Variants in MFSD8 observed in about 807,000 individuals in gnomAD.
MFSD8 encodes the protein major facilitator superfamily domain-containing protein 8.
In MFSD8, 55 loss-of-function variants were observed where a neutral mutation model predicts 66.4. The ratio of observed to expected loss-of-function variants is 0.83; its 90% CI spans 0.67 to 1.04. The LOEUF (loss-of-function observed/expected upper bound fraction) is 1.04, where lower values mean the gene tolerates loss of function less well. Among genes scored for constraint, MFSD8 ranks in the 50% least tolerant of loss-of-function variants. The pLI is 0.00. For synonymous variants in MFSD8, 202 were observed against 212.8 expected (o/e 0.95, Z 0.44); for missense variants, 550 against 627.6 (o/e 0.88, Z 1.32).
At chr4:127,941,072 G>A (rs1484405656) in intron 5 of MFSD8, among the ~76,000 whole-genome samples, 2 of 152,100 alleles carry the variant, frequency 1.3e-5, no homozygotes, top group African/African-American at 2.4e-5. Flanking sequence ...CAGGTATTAT[G>A]CTAGATACTG....
intron 1 of MFSD8, among the ~76,000 whole-genome samples, chr4:127,961,820 C>CAAAAAA (rs4000711): frequency 2.0e-4 from 16 of 80,530 alleles, no homozygotes; most frequent in African/African-American, 6.9e-4. Flanking sequence ...GACTCCGTCT[C>CAAAAAA]AAAAAAAAAA....
chr4:127,938,892 G>A, intron 6 of MFSD8, 54 bp from the exon 7 acceptor site: 1 of 1,367,852 alleles, frequency 7.3e-7, no homozygotes, highest in Non-Finnish European at 1.0e-6. Flanking sequence ...TAGAGAAGTT[G>A]TTTAAATTTA....
chr4:127,951,411 T>C (rs534167424), intron 2 of MFSD8, among the ~76,000 whole-genome samples: 20 of 152,092 alleles, frequency 1.3e-4, no homozygotes, highest in Non-Finnish European at 2.5e-4. Context: ...TGTACTTTAG[T>C]AGAGATGAGG....
At chr4:127,956,129 T>A (rs1057230513) in intron 2 of MFSD8, among the ~76,000 whole-genome samples, 1 of 147,756 alleles carries the variant, frequency 6.8e-6, no homozygotes, top group Non-Finnish European at 1.5e-5. Flanking sequence ...TAAATAATAA[T>A]AAATAATAAA....
At chr4:127,930,282 TTTTA>T (rs1226037157) in intron 9 of MFSD8, among the ~76,000 whole-genome samples, 4 of 151,940 alleles carry the variant, frequency 2.6e-5, no homozygotes, top group African/African-American at 9.7e-5. Flanking sequence ...ATGACACAAA[TTTTA>T]TTTGCCATGA....
chr4:127,951,892 C>A (rs187255220), intron 2 of MFSD8, among the ~76,000 whole-genome samples: 1 of 151,616 alleles, frequency 6.6e-6, no homozygotes, highest in Non-Finnish European at 1.5e-5. Context: ...CCACACCCAG[C>A]TAATTTTTTG....
intron 3 of MFSD8, among the ~76,000 whole-genome samples, chr4:127,947,492 C>T (rs1189758670): frequency 6.6e-6 from 1 of 151,114 alleles, no homozygotes; most frequent in Non-Finnish European, 1.5e-5. Flanking sequence ...GCAGGAGAAT[C>T]GCTTGAACCC....
At chr4:127,952,321 G>A (rs1457214157) in intron 2 of MFSD8, among the ~76,000 whole-genome samples, 2 of 151,736 alleles carry the variant, frequency 1.3e-5, no homozygotes, top group East Asian at 2.0e-4. Flanking sequence ...GGAGAATGGC[G>A]AGAACCCGGG....
chr4:127,938,846 A>T lies in MFSD8; in HGVS notation c.699-8T>A. On this transcript the variant is annotated splice_polypyrimidine_tract_variant and splice_region_variant and intron_variant, in intron 6 of 11. Coordinates refer to ENST00000641686, the MANE Select transcript of MFSD8 (RefSeq NM_001371596.2). Reference sequence around the variant, plus strand: ...TCATCCACACGATGTTCTCTTAAAAAGAAAAACACAAATATTGTACCTATA... The same window carrying T: ...TCATCCACACGATGTTCTCTTAAAATGAAAAACACAAATATTGTACCTATA... The T allele has an allele frequency of 6.2e-7, 1 of 1,602,228 alleles. No individual in the cohort carries two copies. Among genetic ancestry groups the T allele is most frequent in the Non-Finnish European group, 8.5e-7 (1 of 1,171,140 alleles).
chr4:127,947,894 A>ACTCT (rs1303600540), intron 3 of MFSD8, among the ~76,000 whole-genome samples: 1 of 149,664 alleles, frequency 6.7e-6, no homozygotes, highest in African/African-American at 2.5e-5. Context: ...ACACACACAC[A>ACTCT]CACACTCTCT....
chr4:127,957,491 T>A lies in MFSD8; in HGVS notation c.154+10A>T. The A allele has an allele frequency of 6.4e-7, 1 of 1,558,910 alleles. No homozygotes were observed. The highest frequency in any genetic ancestry group is 8.8e-7 in the Non-Finnish European group (1 of 1,131,394). ...CTGAATTGTTAAAATTATGTATTTC[T>A]AATACTTACCTACACTGCTGAGAAA... On this transcript the variant is annotated intron_variant, in intron 2 of 11. Transcript: ENST00000641686.
intron 7 of MFSD8, among the ~76,000 whole-genome samples, chr4:127,935,474 T>C (rs1295138777): frequency 2.6e-5 from 4 of 152,200 alleles, no homozygotes; most frequent in Non-Finnish European, 5.9e-5. Context: ...TTCTATGCAA[T>C]TAGAAATTAT....
intron 5 of MFSD8, among the ~76,000 whole-genome samples, chr4:127,940,597 GA>G (rs79410803): frequency 0.032 from 4,410 of 139,246 alleles, 254 homozygotes; most frequent in East Asian, 0.24. Context: ...CAAGTAAAAT[GA>G]AAAAAAAAAA....
intron 6 of MFSD8, 54 bp downstream of exon 6, chr4:127,939,799 G>T: frequency 6.6e-7 from 1 of 1,523,278 alleles, no homozygotes. Context: ...CAATTACAAA[G>T]CTCATTAAAT....
rs1010358332 is a variant in MFSD8, at chr4:127,921,675, C to G, written c.1199G>C (p.Gly400Ala). The G allele has an allele frequency of 6.2e-7, 1 of 1,614,112 alleles. No homozygotes were observed. The highest frequency in any genetic ancestry group is 2.2e-5 in the East Asian group (1 of 44,872). The change falls in exon 11 of 12, where the codon GGT becomes GCT. Residue 400 changes from glycine (G) to alanine (A), a missense_variant. Gly to Ala is a moderately conservative substitution (Grantham distance 60). Transcript: ENST00000641686. ...PMEDDNERPT[G>A]CSIEQAWCLY... is the part of the protein sequence containing the mutation. ...GCACCAGGCTTGTTCAATCGAGCAA[C>G]CAGTTGGTCTTTCATTGTCATCTTC... is the stretch of plus-strand genomic sequence containing the variant.
At chr4:127,923,551 AT>A (rs1251910972) in intron 9 of MFSD8, among the ~76,000 whole-genome samples, 3 of 100,306 alleles carry the variant, frequency 3.0e-5, no homozygotes, top group African/African-American at 4.5e-5. Context: ...TTTTATTTTT[AT>A]TTATTATTAT....
intron 9 of MFSD8, among the ~76,000 whole-genome samples, chr4:127,929,099 A>G (rs1737678772): frequency 6.6e-6 from 1 of 151,930 alleles, no homozygotes; most frequent in South Asian, 2.1e-4. Context: ...AGGCGGGCAG[A>G]TCATGAGGTC....
chr4:127,961,942 C>T (rs978354234), intron 1 of MFSD8, among the ~76,000 whole-genome samples: 2 of 151,858 alleles, frequency 1.3e-5, no homozygotes, highest in Non-Finnish European at 2.9e-5. Context: ...GTCAGAACTA[C>T]CAGGTTGTAA....
At chr4:127,933,304 T>TG in intron 7 of MFSD8, 1 of 447,118 alleles carries the variant, frequency 2.2e-6, no homozygotes, top group Non-Finnish European at 4.1e-6. Flanking sequence ...GAGTGCAGTG[T>TG]CATGATCACA....
Sources: gnomAD v4.1 joint callset for allele counts (sites outside exome capture counted in the v4.1 genomes callset) on GRCh38, gnomAD v4.1.1 for gene constraint, MANE v1.5 for transcripts, NCBI Gene and HGNC (gene_info 2026-07-23, HGNC 2026-07-21) for gene names.